Variants in DLG2 observed in about 807,000 individuals in gnomAD.
DLG2 encodes the protein disks large homolog 2.
Under a neutral mutation model 132.5 loss-of-function variants are expected in DLG2, and 45 were observed. The ratio of observed to expected loss-of-function variants is 0.34; its 90% CI spans 0.27 to 0.44. The LOEUF (loss-of-function observed/expected upper bound fraction) is 0.44, where lower values mean the gene tolerates loss of function less well. Among genes scored for constraint, DLG2 ranks in the 20% least tolerant of loss-of-function variants. The pLI, the probability that DLG2 is intolerant of heterozygous loss-of-function variation, is 1.00. For synonymous variants in DLG2, 424 were observed against 419.6 expected (o/e 1.01, Z -0.13); for missense variants, 1,045 against 1,196.9 (o/e 0.87, Z 1.87).
At chr11:83,772,309 C>G (rs2094427146) in intron 18 of DLG2, among the ~76,000 whole-genome samples, 1 of 151,888 alleles carries the variant, frequency 6.6e-6, no homozygotes, top group South Asian at 2.1e-4. Flanking sequence ...ACCTGGAAGG[C>G]TGAGGTGGGA....
chr11:84,459,991 A>T (rs984638384), intron 7 of DLG2, among the ~76,000 whole-genome samples: 7 of 150,732 alleles, frequency 4.6e-5, no homozygotes, highest in Non-Finnish European at 3.0e-5. Context: ...TATGACAGAG[A>T]TTGTTAGCTT....
chr11:85,008,223 T>G, intron 6 of DLG2, among the ~76,000 whole-genome samples: 1 of 152,192 alleles, frequency 6.6e-6, no homozygotes, highest in East Asian at 1.9e-4. Context: ...TAAGCATTTA[T>G]GCATCTGTGT....
chr11:84,532,141 T>TA (rs55828548), intron 7 of DLG2, among the ~76,000 whole-genome samples: 8 of 143,014 alleles, frequency 5.6e-5, no homozygotes, highest in African/African-American at 2.1e-4. Flanking sequence ...TTTTTTTTTT[T>TA]ACTGTAACCG....
intron 7 of DLG2, among the ~76,000 whole-genome samples, chr11:84,301,075 A>G (rs2154381598): frequency 6.6e-6 from 1 of 152,260 alleles, no homozygotes; most frequent in East Asian, 1.9e-4. Flanking sequence ...ACACCCTTTG[A>G]CTCAACAATT....
intron 6 of DLG2, among the ~76,000 whole-genome samples, chr11:84,819,524 T>C (rs2077450701): frequency 6.6e-6 from 1 of 151,842 alleles, no homozygotes; most frequent in Non-Finnish European, 1.5e-5. Flanking sequence ...ATGCCTGGCA[T>C]TGTCATGATC....
At chr11:84,868,278 C>T (rs1680990558) in intron 6 of DLG2, among the ~76,000 whole-genome samples, 1 of 151,620 alleles carries the variant, frequency 6.6e-6, no homozygotes, top group African/African-American at 2.4e-5. Flanking sequence ...CAAGTCTCCT[C>T]TTGTTCAAAT....
At chr11:84,125,874 A>G (rs1005902283) in intron 9 of DLG2, among the ~76,000 whole-genome samples, 1 of 152,238 alleles carries the variant, frequency 6.6e-6, no homozygotes, top group African/African-American at 2.4e-5. Flanking sequence ...ATAGTAAACC[A>G]GTGTGATTAT....
At chr11:83,591,863 G>A (rs1165008519) in intron 19 of DLG2, among the ~76,000 whole-genome samples, 1 of 148,410 alleles carries the variant, frequency 6.7e-6, no homozygotes, top group Non-Finnish European at 1.5e-5. Context: ...CAAACAGAGA[G>A]CCAAATCATG....
chr11:85,209,931 A>G (rs2082151818), intron 4 of DLG2, among the ~76,000 whole-genome samples: 1 of 151,196 alleles, frequency 6.6e-6, no homozygotes, highest in South Asian at 2.1e-4. Flanking sequence ...TATTCTCCCT[A>G]CCTAGAATAT....
At chr11:85,221,884 G>C (rs2074668034) in intron 4 of DLG2, among the ~76,000 whole-genome samples, 2 of 151,920 alleles carry the variant, frequency 1.3e-5, no homozygotes, top group South Asian at 4.2e-4. Flanking sequence ...CAAAAACCCT[G>C]TGAAGTACAT....
intron 9 of DLG2, among the ~76,000 whole-genome samples, chr11:84,148,806 G>A (rs746687475): frequency 5.9e-5 from 9 of 152,016 alleles, no homozygotes; most frequent in South Asian, 2.1e-4. Context: ...TGCTCTTCAC[G>A]GTGGCTGAAG....
chr11:84,330,761 T>C (rs948560152), intron 7 of DLG2, among the ~76,000 whole-genome samples: 1 of 152,156 alleles, frequency 6.6e-6, no homozygotes, highest in Admixed American at 6.5e-5. Context: ...CAAACCTCAG[T>C]GTTCAGTCCC....
intron 6 of DLG2, among the ~76,000 whole-genome samples, chr11:85,030,037 G>T (rs1296482502): frequency 6.6e-6 from 1 of 152,134 alleles, no homozygotes. Context: ...TCCTTCTTCT[G>T]TCCATAAATC....
chr11:84,106,958 G>A (rs55900396), intron 9 of DLG2, among the ~76,000 whole-genome samples: 6 of 18,614 alleles, frequency 3.2e-4, no homozygotes, highest in African/African-American at 8.8e-4. Flanking sequence ...GAGAGAAAGA[G>A]AGAGAGAGTT....
At chr11:84,880,982 C>T (rs541146271) in intron 6 of DLG2, among the ~76,000 whole-genome samples, 9 of 152,104 alleles carry the variant, frequency 5.9e-5, no homozygotes, top group East Asian at 3.9e-4. Flanking sequence ...CAGATCTTTA[C>T]GTTTTCGTGG....
At chr11:85,571,225 C>T (rs565456027) in intron 3 of DLG2, among the ~76,000 whole-genome samples, 1 of 152,074 alleles carries the variant, frequency 6.6e-6, no homozygotes, top group Non-Finnish European at 1.5e-5. Context: ...AATGTGGCAA[C>T]TTGTGAAATG....
intron 3 of DLG2, among the ~76,000 whole-genome samples, chr11:85,382,029 C>T (rs1275511160): frequency 6.6e-6 from 1 of 152,034 alleles, no homozygotes; most frequent in East Asian, 1.9e-4. Flanking sequence ...ACAAGCTGAT[C>T]CTAAAATTCA....
rs375334125 is a variant in DLG2 at position 84,420,930 on chromosome 11, A to G, written c.519+113640T>C. ...TGATCTGCCCGCCTCGGCCTCCCAAAGTGCTGGGATTACAGGCGTGAGCCA... is the reference window on the plus strand; with the variant it reads ...TGATCTGCCCGCCTCGGCCTCCCAAGGTGCTGGGATTACAGGCGTGAGCCA... On this transcript the variant is annotated intron_variant, in intron 7 of 27. Transcript: ENST00000376104. 7.9e-5 allele frequency among the ~76,000 whole-genome samples: 12 copies of G among 151,332 alleles called. No homozygotes were observed. The South Asian group carries it at 2.1e-3, about 27-fold the overall frequency.
chr11:85,370,592 C>T (rs924535527), intron 3 of DLG2, among the ~76,000 whole-genome samples: 1 of 152,160 alleles, frequency 6.6e-6, no homozygotes, highest in African/African-American at 2.4e-5. Flanking sequence ...TTTAAAATTT[C>T]TGAGTCATCA....
Sources: gnomAD v4.1 joint callset for allele counts (sites outside exome capture counted in the v4.1 genomes callset) on GRCh38, gnomAD v4.1.1 for gene constraint, MANE v1.5 for transcripts, NCBI Gene and HGNC (gene_info 2026-07-23, HGNC 2026-07-21) for gene names.